Variants in PI15 observed in about 807,000 individuals in gnomAD.
PI15 encodes peptidase inhibitor 15, also known as 25 kDa trypsin inhibitor.
A neutral mutation model predicts 31.0 loss-of-function variants in PI15; 18 were observed. That is an observed-to-expected ratio of 0.58 (90% CI 0.40 to 0.86). The LOEUF (loss-of-function observed/expected upper bound fraction) is 0.86, where lower values mean the gene tolerates loss of function less well. Ranked by LOEUF, PI15 falls within the 40% of genes least tolerant of loss-of-function variation. The pLI is 0.00. For missense variants in PI15, 282 were observed against 328.1 expected, an observed-to-expected ratio of 0.86 and a Z score of 1.09; for synonymous variants, 118 against 119.1, an observed-to-expected ratio of 0.99 and a Z score of 0.06.
chr8:74,843,956 C>G (rs986212852), intron 2 of PI15, 25 bp from the exon 3 acceptor site: 1 of 1,053,644 alleles, frequency 9.5e-7, no homozygotes, highest in Non-Finnish European at 1.5e-6. Flanking sequence ...AATTCCGTAA[C>G]GCTGAAGATT....
chr8:74,828,544 T>C lies in PI15; in HGVS notation c.273+3022T>C, dbSNP rs977174651. On this transcript the variant is annotated intron_variant, in intron 2 of 5. Transcript: ENST00000260113. The stretch of plus-strand genomic sequence containing the variant: ...CTCTAGGCTATATGGAAAATGCAGA[T>C]CTTAGTTTGATACTATTACCTTTAG... Among the ~76,000 whole-genome samples the C allele has an allele frequency of 2.6e-5, 4 of 152,120 alleles. No homozygotes were observed. In the East Asian group the frequency reaches 5.8e-4, roughly 22 times the overall value.
chr8:74,825,653 A>C lies in PI15; in HGVS notation c.273+131A>C, dbSNP rs949798981. The C allele has an allele frequency of 4.2e-6, 3 of 713,764 alleles. No individual in the cohort carries two copies. In the African/African-American group the frequency reaches 5.4e-5, roughly 13 times the overall value. 44.2% of individuals were successfully genotyped at this position (713,764 alleles called of 1,614,324 possible). ...TGGACTTTTTACATATTTTAACCTAAGGTTCTTATGTGCCTAATAATGTTG... is the reference window on the plus strand; with the variant it reads ...TGGACTTTTTACATATTTTAACCTACGGTTCTTATGTGCCTAATAATGTTG... On this transcript the variant is annotated intron_variant, in intron 2 of 5. Transcript: ENST00000260113.
intron 2 of PI15, among the ~76,000 whole-genome samples, chr8:74,833,669 G>A (rs1364244137): frequency 6.6e-6 from 1 of 152,070 alleles, no homozygotes; most frequent in Non-Finnish European, 1.5e-5. Context: ...ATACACTTCA[G>A]TCACTATCTC....
At chr8:74,826,470 T>C (rs191570210) in intron 2 of PI15, 33 of 164,446 alleles carry the variant, frequency 2.0e-4, no homozygotes, top group Non-Finnish European at 3.8e-4. Context: ...ATTAAAAAGT[T>C]TGGCTAGTTG....
intron 3 of PI15, among the ~76,000 whole-genome samples, chr8:74,844,348 C>A (rs893643831): frequency 1.3e-5 from 2 of 151,922 alleles, no homozygotes; most frequent in African/African-American, 4.8e-5. Context: ...TTTGAGCTCG[C>A]AGAATCTTAG....
At chr8:74,838,663 A>G (rs987097564) in intron 2 of PI15, among the ~76,000 whole-genome samples, 1 of 152,098 alleles carries the variant, frequency 6.6e-6, no homozygotes, top group African/African-American at 2.4e-5. Context: ...GAGAAAGGGC[A>G]CTATTTGGAT....
intron 2 of PI15, among the ~76,000 whole-genome samples, chr8:74,831,851 G>A (rs1053495758): frequency 1.3e-5 from 2 of 151,948 alleles, no homozygotes; most frequent in African/African-American, 4.8e-5. Context: ...TTCTAAGAGG[G>A]TATGTAGTAC....
intron 2 of PI15, 125 bp from the exon 3 acceptor site, chr8:74,843,847 GCAGAAAAAA>G: frequency 1.5e-6 from 1 of 678,390 alleles, no homozygotes; most frequent in Non-Finnish European, 2.7e-6. Context: ...TCCAGCCCGG[GCAGAAAAAA>G]CAAAAACAAA....
At chr8:74,827,756 G>T (rs1810720365) in intron 2 of PI15, among the ~76,000 whole-genome samples, 1 of 152,184 alleles carries the variant, frequency 6.6e-6, no homozygotes, top group Non-Finnish European at 1.5e-5. Flanking sequence ...AATGCCAGCT[G>T]AAGTCCTATA....
intron 2 of PI15, among the ~76,000 whole-genome samples, chr8:74,836,683 G>C (rs1810877257): frequency 6.6e-6 from 1 of 152,118 alleles, no homozygotes; most frequent in Non-Finnish European, 1.5e-5. Flanking sequence ...GCAAGTGTAG[G>C]GTCATGAAAC....
intron 2 of PI15, among the ~76,000 whole-genome samples, chr8:74,830,699 T>C (rs1276029654): frequency 1.3e-5 from 2 of 152,180 alleles, no homozygotes; most frequent in Non-Finnish European, 2.9e-5. Context: ...TATATATACA[T>C]GTATATATCT....
rs144221690 is a variant in PI15, at chr8:74,845,157, C to T, written c.422C>T (p.Pro141Leu). Residue 141 changes from proline (P) to leucine (L), a missense_variant, in exon 4 of 6, where the codon CCA (proline) becomes CTA (leucine). By Grantham distance (98) the Pro-to-Leu change is moderately conservative. Transcript: ENST00000260113. ...RYRSILQLVKPWYDEVKDYAF... is the reference protein window; with the variant it reads ...RYRSILQLVKLWYDEVKDYAF... ...CGCTCTATTCTCCAGTTGGTCAAGC[C>T]ATGGTATGATGAAGTGAAAGATTAT... 1,089 of 1,612,604 alleles carry T rather than the reference C, an allele frequency of 6.8e-4. 1 individual carries two copies. Among genetic ancestry groups the T allele is most frequent in the Non-Finnish European group, 5.2e-4 (611 of 1,178,616 alleles).
Position 74,845,457 on chromosome 8 carries a change from T to G in PI15, c.601T>G (p.Trp201Gly). ...CQNMNVWGSV[W>G]RRAVYLVCNY... Reference sequence around the variant, plus strand: ...AAACATGAATGTTTGGGGATCTGTGTGGCGACGTGCAGTTTACTTGGTATG... The same window carrying G: ...AAACATGAATGTTTGGGGATCTGTGGGGCGACGTGCAGTTTACTTGGTATG... Residue 201 changes from tryptophan (W) to glycine (G), a missense_variant, in exon 5 of 6, where the codon TGG (tryptophan) becomes GGG (glycine). By Grantham distance (184) the Trp-to-Gly change is radical. Coordinates refer to ENST00000260113, the MANE Select transcript of PI15 (RefSeq NM_015886.5). 6.2e-7 allele frequency: 1 copy of G among 1,613,880 alleles called. No homozygotes were observed. The highest frequency in any genetic ancestry group is 1.1e-5 in the South Asian group (1 of 91,074).
At chr8:74,845,013 G>T (rs989436677) in intron 3 of PI15, 115 bp from the exon 4 acceptor site, 19 of 867,446 alleles carry the variant, frequency 2.2e-5, no homozygotes, top group Non-Finnish European at 3.2e-5. Context: ...GGGTGGATGT[G>T]CTCTTGGATC....
chr8:74,830,157 G>C (rs1446717950), intron 2 of PI15, among the ~76,000 whole-genome samples: 1 of 152,020 alleles, frequency 6.6e-6, no homozygotes, highest in Admixed American at 6.6e-5. Flanking sequence ...CCAACATAAA[G>C]TGGCAGGCAG....
rs765615774 is a variant in PI15, at chr8:74,852,904, A to T, written c.*3651A>T. The stretch of plus-strand genomic sequence containing the variant: ...AGTATCGAAGGATGCAAATGTTGAC[A>T]TAGATGGAAGCTCTTACCTACCAAA... On this transcript the variant is annotated 3_prime_UTR_variant, in exon 6 of 6. Transcript: ENST00000260113. 6.6e-6 allele frequency: 1 copy of T among 152,252 alleles called. No homozygotes were observed. 9.4% of individuals were successfully genotyped at this position (152,252 alleles called of 1,614,324 possible).
chr8:74,844,779 T>C (rs1216205841), intron 3 of PI15: 4 of 223,202 alleles, frequency 1.8e-5, no homozygotes, highest in African/African-American at 9.1e-5. Flanking sequence ...ACTACTTTTA[T>C]ACATCTAATT....
chr8:74,842,286 T>C (rs758313759), intron 2 of PI15, among the ~76,000 whole-genome samples: 29 of 152,142 alleles, frequency 1.9e-4, no homozygotes, highest in Non-Finnish European at 2.8e-4. Context: ...ATAAGCTCCA[T>C]GTAAATATAA....
chr8:74,826,513 T>C (rs73689267), intron 2 of PI15, among the ~76,000 whole-genome samples: 2,247 of 152,196 alleles, frequency 0.015, 56 homozygotes, highest in African/African-American at 0.051. Context: ...ACTAAAGACT[T>C]GCTAAATGAT....
Sources: gnomAD v4.1 joint callset for allele counts (sites outside exome capture counted in the v4.1 genomes callset) on GRCh38, gnomAD v4.1.1 for gene constraint, MANE v1.5 for transcripts, NCBI Gene and HGNC (gene_info 2026-07-23, HGNC 2026-07-21) for gene names.